The following KDM4B variants were observed in gnomAD, a reference collection of about 807,000 sequenced individuals.
The protein encoded by KDM4B is lysine demethylase 4B.
A neutral mutation model predicts 125.2 loss-of-function variants in KDM4B; 32 were observed. The ratio of observed to expected loss-of-function variants is 0.26; its 90% CI spans 0.19 to 0.34. KDM4B has a LOEUF of 0.34. Ranked by LOEUF, KDM4B falls within the 10% of genes least tolerant of loss-of-function variation. The pLI is 1.00. For missense variants in KDM4B, 1,190 were observed against 1,577.7 expected (o/e 0.75, Z 4.16); for synonymous variants, 721 against 677.9 (o/e 1.06, Z -0.99).
intron 11 of KDM4B, among the ~76,000 whole-genome samples, chr19:5,129,686 A>G (rs1169657511): frequency 6.6e-6 from 1 of 152,170 alleles, no homozygotes; most frequent in Non-Finnish European, 1.5e-5. Flanking sequence ...AATCCCTTGG[A>G]TATCAACCAC....
chr19:5,083,872 C>T (rs1296826909), intron 9 of KDM4B, among the ~76,000 whole-genome samples: 1 of 152,176 alleles, frequency 6.6e-6, no homozygotes, highest in African/African-American at 2.4e-5. Flanking sequence ...AGATTCTTCT[C>T]AGATCCAGAT....
Position 5,118,562 on chromosome 19 carries a change from C to T in KDM4B, c.1116-1091C>T, listed in dbSNP as rs188372562. On this transcript the variant is annotated intron_variant, in intron 10 of 22. Transcript: ENST00000159111. ...CCAGGCCTCGGCTTCTCTGCACTCC[C>T]GGCTTCTGCCTGAGCCCCCTGGGAA... Among the ~76,000 whole-genome samples, 74 of 152,258 alleles carry T rather than the reference C, an allele frequency of 4.9e-4. 1 individual carries two copies. The East Asian group carries it at 0.011, about 24-fold the overall frequency.
intron 10 of KDM4B, chr19:5,111,399 C>G (rs1298332219): frequency 2.6e-6 from 2 of 765,190 alleles, no homozygotes; most frequent in African/African-American, 1.7e-5. Context: ...TATCGCCGCA[C>G]AGACCCTCCC....
At chr19:4,982,097 C>T (rs567509944) in intron 1 of KDM4B, among the ~76,000 whole-genome samples, 1 of 151,976 alleles carries the variant, frequency 6.6e-6, no homozygotes, top group Admixed American at 6.5e-5. Flanking sequence ...TTGAGACCAG[C>T]CTGGCCAACA....
intron 6 of KDM4B, among the ~76,000 whole-genome samples, chr19:5,065,274 C>T (rs1298995350): frequency 2.0e-5 from 3 of 152,234 alleles, no homozygotes; most frequent in Admixed American, 6.5e-5. Context: ...TGACCCCAAG[C>T]CCGTCTGCTC....
At chr19:4,969,712 G>T (rs1036441929) in intron 1 of KDM4B, among the ~76,000 whole-genome samples, 4 of 151,654 alleles carry the variant, frequency 2.6e-5, no homozygotes, top group African/African-American at 9.7e-5. Flanking sequence ...CCCTTTGGGC[G>T]CCAGGGGGGC....
chr19:4,983,175 G>A (rs2034706960), intron 1 of KDM4B, among the ~76,000 whole-genome samples: 1 of 125,166 alleles, frequency 8.0e-6, no homozygotes, highest in Non-Finnish European at 1.6e-5. Flanking sequence ...GACATTCATT[G>A]TGTATTTCCC....
At chr19:5,054,085 G>C (rs1023742174) in intron 6 of KDM4B, among the ~76,000 whole-genome samples, 1 of 152,188 alleles carries the variant, frequency 6.6e-6, no homozygotes, top group Non-Finnish European at 1.5e-5. Flanking sequence ...AGCTCTCCTA[G>C]CTTTATTTAT....
At chr19:5,015,336 C>T (rs1439622967) in intron 1 of KDM4B, among the ~76,000 whole-genome samples, 1 of 152,106 alleles carries the variant, frequency 6.6e-6, no homozygotes, top group African/African-American at 2.4e-5. Flanking sequence ...ACTGTAACCT[C>T]TACCTCCCAG....
chr19:5,034,726 C>T (rs2036563897), intron 3 of KDM4B, among the ~76,000 whole-genome samples: 2 of 152,176 alleles, frequency 1.3e-5, no homozygotes, highest in Admixed American at 6.5e-5. Flanking sequence ...TCCTAGTGAT[C>T]CTTCGGTATC....
At chr19:5,135,626 T>G (rs1599255626) in intron 15 of KDM4B, 65 bp downstream of exon 15, 1 of 1,382,584 alleles carries the variant, frequency 7.2e-7, no homozygotes, top group Non-Finnish European at 9.8e-7. Context: ...GGGGTGCCGG[T>G]GGGGGCTCCA....
chr19:5,097,808 C>T (rs752559442), intron 9 of KDM4B, among the ~76,000 whole-genome samples: 11 of 152,200 alleles, frequency 7.2e-5, no homozygotes, highest in Admixed American at 6.5e-5. Context: ...GTTCTGTCTC[C>T]GTTTTGGCTT....
At chr19:4,977,619 A>T (rs572759898) in intron 1 of KDM4B, among the ~76,000 whole-genome samples, 8 of 152,278 alleles carry the variant, frequency 5.3e-5, no homozygotes, top group African/African-American at 1.9e-4. Context: ...TTTGTATGAG[A>T]TTAGCCGGCC....
At chr19:5,004,269 GGC>G (rs1477316370) in intron 1 of KDM4B, among the ~76,000 whole-genome samples, 1 of 152,126 alleles carries the variant, frequency 6.6e-6, no homozygotes, top group Non-Finnish European at 1.5e-5. Flanking sequence ...TCCACACGCC[GGC>G]CCCTGGCACT....
At chr19:4,970,402 C>T (rs2034213959) in intron 1 of KDM4B, among the ~76,000 whole-genome samples, 1 of 151,902 alleles carries the variant, frequency 6.6e-6, no homozygotes, top group African/African-American at 2.4e-5. Flanking sequence ...CGTCTTTTTC[C>T]ATGTGTTTCT....
chr19:5,110,965 G>C, intron 10 of KDM4B, 147 bp downstream of exon 10: 1 of 643,752 alleles, frequency 1.6e-6, no homozygotes, highest in East Asian at 2.8e-5. Context: ...CTCCTCTTTC[G>C]TCCTCCTCCT....
At chr19:5,086,175 G>A (rs1236217186) in intron 9 of KDM4B, among the ~76,000 whole-genome samples, 8 of 152,024 alleles carry the variant, frequency 5.3e-5, no homozygotes, top group Non-Finnish European at 1.0e-4. Flanking sequence ...CACCTTCCTT[G>A]ACCGCTAGGG....
At chr19:5,139,124 A>C (rs1421717573) in intron 18 of KDM4B, among the ~76,000 whole-genome samples, 3 of 151,940 alleles carry the variant, frequency 2.0e-5, no homozygotes, top group African/African-American at 7.3e-5. Context: ...GGGTCTCACT[A>C]TGTTGCCCAG....
intron 2 of KDM4B, among the ~76,000 whole-genome samples, chr19:5,031,313 A>C (rs2036448403): frequency 6.6e-6 from 1 of 152,204 alleles, no homozygotes; most frequent in African/African-American, 2.4e-5. Context: ...GGGCACAGGC[A>C]GCTCTGGTGA....
Sources: gnomAD v4.1 joint callset for allele counts (sites outside exome capture counted in the v4.1 genomes callset) on GRCh38, gnomAD v4.1.1 for gene constraint, MANE v1.5 for transcripts, NCBI Gene and HGNC (gene_info 2026-07-23, HGNC 2026-07-21) for gene names.